The following AUTS2 variants were observed in gnomAD, a reference collection of about 807,000 sequenced individuals.
AUTS2 encodes activator of transcription and developmental regulator AUTS2, also known as autism susceptibility gene 2 protein.
A neutral mutation model predicts 112.4 loss-of-function variants in AUTS2; 17 were observed. That is an observed-to-expected ratio of 0.15 (90% CI 0.10 to 0.23). The LOEUF is 0.23. AUTS2 is among the 10% of genes least tolerant of loss of function. The pLI is 1.00. For synonymous variants in AUTS2, 751 were observed against 702.7 expected (o/e 1.07, Z -1.09); for missense variants, 1,510 against 1,701.6 (o/e 0.89, Z 1.98).
chr7:70,480,070 G>T (rs1797731073), intron 5 of AUTS2, among the ~76,000 whole-genome samples: 1 of 152,206 alleles, frequency 6.6e-6, no homozygotes, highest in Non-Finnish European at 1.5e-5. Context: ...ATATTGGATT[G>T]CTTGCAGGCA....
At chr7:69,742,587 G>A (rs1477710826) in intron 1 of AUTS2, among the ~76,000 whole-genome samples, 1 of 152,166 alleles carries the variant, frequency 6.6e-6, no homozygotes, top group African/African-American at 2.4e-5. Flanking sequence ...TGAGATTGGG[G>A]TGGGAGTACA....
At chr7:70,695,227 C>A (rs374991416) in intron 5 of AUTS2, among the ~76,000 whole-genome samples, 9 of 152,178 alleles carry the variant, frequency 5.9e-5, no homozygotes, top group African/African-American at 9.6e-5. Flanking sequence ...TTTCCTCCCC[C>A]CTCTGCGGCC....
intron 4 of AUTS2, among the ~76,000 whole-genome samples, chr7:70,410,136 T>C (rs1794709901): frequency 6.6e-6 from 1 of 152,212 alleles, no homozygotes; most frequent in African/African-American, 2.4e-5. Flanking sequence ...ATTTTAATTA[T>C]TTTTGCCCAT....
At chr7:70,438,678 C>G (rs1795996314) in intron 5 of AUTS2, among the ~76,000 whole-genome samples, 2 of 152,212 alleles carry the variant, frequency 1.3e-5, no homozygotes, top group Admixed American at 1.3e-4. Context: ...TCTGTCGGAG[C>G]CTGGGTCCCT....
At chr7:70,763,425 G>T in intron 7 of AUTS2, 84 bp downstream of exon 7, 1 of 964,620 alleles carries the variant, frequency 1.0e-6, no homozygotes, top group Non-Finnish European at 1.6e-6. Context: ...GATCCCTAGG[G>T]AGACTGAGGT....
intron 2 of AUTS2, among the ~76,000 whole-genome samples, chr7:69,968,489 T>C (rs764509173): frequency 5.9e-5 from 9 of 152,206 alleles, no homozygotes; most frequent in Non-Finnish European, 8.8e-5. Flanking sequence ...TCCACATCCA[T>C]ATGTGTCACT....
intron 5 of AUTS2, among the ~76,000 whole-genome samples, chr7:70,444,471 G>T (rs1426809286): frequency 6.6e-6 from 1 of 152,024 alleles, no homozygotes; most frequent in African/African-American, 2.4e-5. Flanking sequence ...TGCCATTCTA[G>T]TGTGACAAAT....
intron 4 of AUTS2, among the ~76,000 whole-genome samples, chr7:70,347,172 T>C (rs1484052718): frequency 6.6e-6 from 1 of 151,756 alleles, no homozygotes. Context: ...CAATCACTTC[T>C]TACTTACCTG....
At chr7:70,345,437 T>C (rs140520071) in intron 4 of AUTS2, among the ~76,000 whole-genome samples, 1 of 152,260 alleles carries the variant, frequency 6.6e-6, no homozygotes, top group Non-Finnish European at 1.5e-5. Context: ...CTTTCCAACT[T>C]TTATATGTGG....
intron 4 of AUTS2, among the ~76,000 whole-genome samples, chr7:70,420,452 C>T (rs1043160001): frequency 2.6e-5 from 4 of 152,182 alleles, no homozygotes; most frequent in African/African-American, 9.7e-5. Flanking sequence ...ATATCATTCT[C>T]TCCTTAGATT....
chr7:69,665,221 C>G (rs1170372688), intron 1 of AUTS2, among the ~76,000 whole-genome samples: 2 of 152,216 alleles, frequency 1.3e-5, no homozygotes, highest in Non-Finnish European at 2.9e-5. Context: ...CTCTCCTCCC[C>G]TAAGCCTTTC....
At chr7:70,247,831 C>T (rs556254847) in intron 4 of AUTS2, among the ~76,000 whole-genome samples, 5 of 152,120 alleles carry the variant, frequency 3.3e-5, no homozygotes, top group South Asian at 2.1e-4. Flanking sequence ...TTAAAAGAAG[C>T]GCTTAGAATG....
intron 4 of AUTS2, among the ~76,000 whole-genome samples, chr7:70,377,167 C>T: frequency 6.6e-6 from 1 of 150,782 alleles, no homozygotes; most frequent in African/African-American, 2.4e-5. Context: ...TCTTTGAAGC[C>T]TAAAGTCTTT....
Position 70,232,549 on chromosome 7 carries a change from G to A in AUTS2, c.660+97978G>A, listed in dbSNP as rs146687260. On this transcript the variant is annotated intron_variant, in intron 4 of 18. Transcript: ENST00000342771. Reference sequence around the variant, plus strand: ...CTCCCCAGTAGCTGGGACTACAGGCGCATACCACCATGCCCAGCTAATTTT... The same window carrying A: ...CTCCCCAGTAGCTGGGACTACAGGCACATACCACCATGCCCAGCTAATTTT... 4.0e-3 allele frequency among the ~76,000 whole-genome samples: 611 copies of A among 152,046 alleles called. 1 individual carries two copies. The highest frequency in any genetic ancestry group is 7.7e-3 in the African/African-American group (318 of 41,496).
intron 6 of AUTS2, among the ~76,000 whole-genome samples, chr7:70,756,796 G>A (rs1366568754): frequency 6.6e-6 from 1 of 152,122 alleles, no homozygotes; most frequent in East Asian, 1.9e-4. Flanking sequence ...ATATAACAAA[G>A]TACAGTCCCT....
intron 6 of AUTS2, among the ~76,000 whole-genome samples, chr7:70,740,155 A>C (rs1183437279): frequency 1.3e-5 from 2 of 152,192 alleles, no homozygotes; most frequent in Non-Finnish European, 2.9e-5. Context: ...CAACACTTGG[A>C]TTGGTGTTGC....
rs1047423702 is a variant in AUTS2, at chr7:70,784,860, G to A, written c.2147-82G>A. On this transcript the variant is annotated intron_variant, in intron 15 of 18. Coordinates refer to ENST00000342771, the MANE Select transcript of AUTS2 (RefSeq NM_015570.4). ...CTCCCTTGAACATATTTTCTCACGG[G>A]GCCCTTAAGCAAGTAGAAGCCGGTT... The A allele has an allele frequency of 4.0e-6, 5 of 1,247,466 alleles. No homozygotes were observed. The African/African-American group carries it at 5.9e-5, about 15-fold the overall frequency. 77.3% of individuals were successfully genotyped at this position (1,247,466 alleles called of 1,614,324 possible).
At chr7:70,361,073 C>T (rs776176311) in intron 4 of AUTS2, among the ~76,000 whole-genome samples, 6 of 152,198 alleles carry the variant, frequency 3.9e-5, no homozygotes, top group Non-Finnish European at 5.9e-5. Context: ...TGGCCAGGCG[C>T]GGTGGCTCAC....
At chr7:69,652,733 G>C (rs544544290) in intron 1 of AUTS2, among the ~76,000 whole-genome samples, 2 of 152,242 alleles carry the variant, frequency 1.3e-5, no homozygotes, top group South Asian at 4.2e-4. Context: ...AGGGGGAAAA[G>C]TGTAAGAAAT....
Sources: gnomAD v4.1 joint callset for allele counts (sites outside exome capture counted in the v4.1 genomes callset) on GRCh38, gnomAD v4.1.1 for gene constraint, MANE v1.5 for transcripts, NCBI Gene and HGNC (gene_info 2026-07-23, HGNC 2026-07-21) for gene names.